Variants in ZNF407 observed in about 807,000 individuals in gnomAD.
ZNF407 encodes the protein zinc finger protein 407.
Under a neutral mutation model 131.2 loss-of-function variants are expected in ZNF407, and 17 were observed. The ratio of observed to expected loss-of-function variants is 0.13; its 90% CI spans 0.09 to 0.19. The LOEUF (loss-of-function observed/expected upper bound fraction) is 0.19. Ranked by LOEUF, ZNF407 falls within the 10% of genes least tolerant of loss-of-function variation. The pLI is 1.00. For missense variants in ZNF407, 2,681 were observed against 2,830.6 expected, an observed-to-expected ratio of 0.95 and a Z score of 1.20; for synonymous variants, 1,156 against 1,062.0, an observed-to-expected ratio of 1.09 and a Z score of -1.72.
chr18:74,769,670 G>T (rs1429093796), intron 3 of ZNF407, among the ~76,000 whole-genome samples: 1 of 152,096 alleles, frequency 6.6e-6, no homozygotes, highest in East Asian at 1.9e-4. Flanking sequence ...CTTAACCAAG[G>T]CCATGTTGGC....
chr18:74,977,128 G>T (rs1271512808), intron 8 of ZNF407, among the ~76,000 whole-genome samples: 3 of 152,232 alleles, frequency 2.0e-5, no homozygotes, highest in Non-Finnish European at 4.4e-5. Context: ...GCTTTCTGAT[G>T]CATTTGATGG....
chr18:74,998,676 A>G (rs1222159514), intron 8 of ZNF407, among the ~76,000 whole-genome samples: 2 of 137,410 alleles, frequency 1.5e-5, no homozygotes, highest in Middle Eastern at 3.5e-3. Flanking sequence ...TAGAATGGCA[A>G]TCATTAAAAA....
intron 8 of ZNF407, among the ~76,000 whole-genome samples, chr18:75,045,316 A>T (rs1973422429): frequency 6.6e-6 from 1 of 152,162 alleles, no homozygotes; most frequent in Non-Finnish European, 1.5e-5. Context: ...TGATAACTGA[A>T]CCATTCAATT....
chr18:74,957,477 T>C (rs75433637), intron 8 of ZNF407, among the ~76,000 whole-genome samples: 1,640 of 152,198 alleles, frequency 0.011, 33 homozygotes, highest in African/African-American at 0.037. Context: ...GGATTGAATT[T>C]TGAAATTGTT....
At chr18:74,830,858 C>T (rs1463484492) in intron 4 of ZNF407, among the ~76,000 whole-genome samples, 1 of 152,130 alleles carries the variant, frequency 6.6e-6, no homozygotes, top group African/African-American at 2.4e-5. Flanking sequence ...AACCCTAGAA[C>T]TTATTCCTCC....
intron 7 of ZNF407, among the ~76,000 whole-genome samples, chr18:74,902,230 C>G (rs765765132): frequency 6.6e-6 from 1 of 152,150 alleles, no homozygotes; most frequent in Non-Finnish European, 1.5e-5. Context: ...TGATAGGGAC[C>G]GTGCCTGGGC....
chr18:74,624,508 C>A (rs932931171), intron 1 of ZNF407, among the ~76,000 whole-genome samples: 1 of 152,228 alleles, frequency 6.6e-6, no homozygotes, highest in Admixed American at 6.5e-5. Flanking sequence ...TACTTAAACT[C>A]TTACACTGAG....
chr18:74,974,431 G>C (rs1349552994), intron 8 of ZNF407, among the ~76,000 whole-genome samples: 2 of 152,142 alleles, frequency 1.3e-5, no homozygotes, highest in Non-Finnish European at 2.9e-5. Context: ...TGTTTAATTG[G>C]CTGTTTGTTT....
intron 4 of ZNF407, among the ~76,000 whole-genome samples, chr18:74,874,386 C>T (rs193093567): frequency 6.6e-6 from 1 of 152,206 alleles, no homozygotes; most frequent in Non-Finnish European, 1.5e-5. Flanking sequence ...AGAAATCTCT[C>T]AGGAAAGTCC....
intron 8 of ZNF407, among the ~76,000 whole-genome samples, chr18:75,026,080 T>C (rs1360375144): frequency 6.6e-6 from 1 of 152,200 alleles, no homozygotes; most frequent in Admixed American, 6.5e-5. Flanking sequence ...GAGGGGAAGA[T>C]GAGCACTTCT....
chr18:74,973,887 A>C (rs1263668932), intron 8 of ZNF407, among the ~76,000 whole-genome samples: 5 of 152,192 alleles, frequency 3.3e-5, no homozygotes, highest in African/African-American at 1.2e-4. Flanking sequence ...GACACTAGAC[A>C]TGTTGAATTA....
chr18:75,044,023 G>A (rs983668092), intron 8 of ZNF407, among the ~76,000 whole-genome samples: 2 of 152,052 alleles, frequency 1.3e-5, no homozygotes, highest in Non-Finnish European at 2.9e-5. Context: ...ATATGTTTCT[G>A]TAAAAAAGTA....
rs954874180 is a variant in ZNF407 at position 74,649,271 on chromosome 18, C to T, written c.4802+8149C>T. ...AAAGTGTTAATTTGCATCATAATTA[C>T]GCTGTCACCATTACATGTGTTAATG... On this transcript the variant is annotated intron_variant, in intron 3 of 8. Coordinates refer to ENST00000299687, the MANE Select transcript of ZNF407 (RefSeq NM_017757.3). 3.9e-5 allele frequency among the ~76,000 whole-genome samples: 6 copies of T among 152,142 alleles called. 1 individual carries two copies. Among genetic ancestry groups the T allele is most frequent in the Non-Finnish European group, 5.9e-5 (4 of 68,026 alleles).
chr18:75,026,212 A>G (rs942468929), intron 8 of ZNF407, among the ~76,000 whole-genome samples: 2 of 152,234 alleles, frequency 1.3e-5, no homozygotes, highest in East Asian at 3.8e-4. Context: ...AATCTCTTTA[A>G]TCTTGCTAAT....
At chr18:74,725,289 G>A (rs757897452) in intron 3 of ZNF407, among the ~76,000 whole-genome samples, 64 of 152,062 alleles carry the variant, frequency 4.2e-4, no homozygotes, top group Non-Finnish European at 6.3e-4. Context: ...GGCACACACC[G>A]CCACACCTAG....
intron 3 of ZNF407, among the ~76,000 whole-genome samples, chr18:74,695,563 A>ATG (rs1967334720): frequency 1.3e-5 from 2 of 149,960 alleles, no homozygotes; most frequent in South Asian, 4.2e-4. Context: ...AAAGCCCTTG[A>ATG]TGTCTTCTTC....
rs146936964 is a variant in ZNF407, at chr18:74,726,193, G to A, written c.4803-55235G>A. Reference sequence around the variant, plus strand: ...TCCACTCAGCTCCCACTGAAGATTCGTTGCATCTCAAGCTCTTAGATGTAT... The same window carrying A: ...TCCACTCAGCTCCCACTGAAGATTCATTGCATCTCAAGCTCTTAGATGTAT... On this transcript the variant is annotated intron_variant, in intron 3 of 8. Coordinates refer to ENST00000299687, the MANE Select transcript of ZNF407 (RefSeq NM_017757.3). 7.2e-5 allele frequency among the ~76,000 whole-genome samples: 11 copies of A among 151,866 alleles called. No homozygotes were observed. The East Asian group carries it at 1.4e-3, about 19-fold the overall frequency.
rs542724535 is a variant in ZNF407, at chr18:74,887,455, T to TA, written c.5129-2454dup. Among the ~76,000 whole-genome samples, 51 of 151,116 alleles carry TA rather than the reference T, an allele frequency of 3.4e-4. 1 individual carries two copies. The highest frequency in any genetic ancestry group is 9.2e-4 in the African/African-American group (38 of 41,282). On this transcript the variant is annotated intron_variant, in intron 6 of 8. Transcript: ENST00000299687. The stretch of plus-strand genomic sequence containing the variant: ...TTTACTCTGCTTGGTATATAGTCTT[T>TA]AAAAAAAAACATAAGAATAAGTCAA...
At chr18:75,034,537 C>T (rs1481701883) in intron 8 of ZNF407, among the ~76,000 whole-genome samples, 3 of 151,056 alleles carry the variant, frequency 2.0e-5, no homozygotes, top group Admixed American at 1.3e-4. Context: ...CTCCTGACCT[C>T]GTGATCCGCC....
Sources: gnomAD v4.1 joint callset for allele counts (sites outside exome capture counted in the v4.1 genomes callset) on GRCh38, gnomAD v4.1.1 for gene constraint, MANE v1.5 for transcripts, NCBI Gene and HGNC (gene_info 2026-07-23, HGNC 2026-07-21) for gene names.